The following DCLK3 variants were observed in gnomAD, a reference collection of about 807,000 sequenced individuals.
DCLK3 encodes the protein serine/threonine-protein kinase DCLK3.
DCLK3 carries 30 observed loss-of-function variants against 46.4 expected under a neutral mutation model. The ratio of observed to expected loss-of-function variants is 0.65; its 90% CI spans 0.48 to 0.88. The LOEUF is 0.88. DCLK3 is among the 40% of genes least tolerant of loss of function. DCLK3 has a pLI of 0.00. For missense variants in DCLK3, 846 were observed against 907.1 expected, an observed-to-expected ratio of 0.93 and a Z score of 0.87; for synonymous variants, 401 against 339.2, an observed-to-expected ratio of 1.18 and a Z score of -2.00.
At chr3:36,724,504 C>T (rs750501312) in intron 2 of DCLK3, among the ~76,000 whole-genome samples, 3 of 152,104 alleles carry the variant, frequency 2.0e-5, no homozygotes, top group South Asian at 2.1e-4. Flanking sequence ...CCCACAATTC[C>T]CACATGTTGT....
In DCLK3 at chr3:36,757,251, G is replaced by A. The variant is rs1458686492; in HGVS notation, c.82+6931C>T. ...GCCCTCCACTTCCCCAAAGTGCAGT[G>A]TTTCCATTTTACTTCTTATGTAATT... On this transcript the variant is annotated intron_variant, in intron 1 of 4. Transcript: ENST00000636136. Among the ~76,000 whole-genome samples, 5 of 152,172 alleles carry A rather than the reference G, an allele frequency of 3.3e-5. No homozygotes were observed. In the East Asian group the frequency reaches 9.7e-4, roughly 29 times the overall value.
intron 1 of DCLK3, among the ~76,000 whole-genome samples, chr3:36,762,268 A>T (rs913157618): frequency 6.6e-6 from 1 of 152,230 alleles, no homozygotes. Flanking sequence ...GATGTTAGTC[A>T]TGTTTGGATA....
At chr3:36,722,596 G>A (rs746817999) in intron 2 of DCLK3, among the ~76,000 whole-genome samples, 35 of 152,274 alleles carry the variant, frequency 2.3e-4, no homozygotes, top group African/African-American at 4.1e-4. Context: ...AGGGGAACCC[G>A]GTGGGCAGTA....
At chr3:36,746,261 T>C (rs1002852757) in intron 1 of DCLK3, among the ~76,000 whole-genome samples, 2 of 152,210 alleles carry the variant, frequency 1.3e-5, no homozygotes, top group East Asian at 1.9e-4. Context: ...CTGAGAGATA[T>C]TGGCCAGGCC....
intron 1 of DCLK3, among the ~76,000 whole-genome samples, chr3:36,761,117 C>T (rs1162161581): frequency 4.6e-5 from 7 of 152,226 alleles, no homozygotes; most frequent in Non-Finnish European, 1.0e-4. Flanking sequence ...TCCCTTCATG[C>T]AGCCACTGAT....
intron 2 of DCLK3, among the ~76,000 whole-genome samples, chr3:36,729,247 GT>G (rs148493779): frequency 0.5 from 49,000 of 97,948 alleles, 11,556 homozygotes; most frequent in Admixed American, 0.6. Context: ...GTGTGTGTGT[GT>G]GGGGGGGGGG....
Position 36,738,693 on chromosome 3 carries a change from A to G in DCLK3, c.474T>C (p.Ser158=), listed in dbSNP as rs1701305707. The part of the protein sequence containing the change: ...NLKGREIRSV[S]DFFREGDAFI... ...AAGCATCCCCTTCCCTGAAGAAATCAGAGACGCTCCTGATTTCCCTGCCCT... is the reference window on the plus strand; with the variant it reads ...AAGCATCCCCTTCCCTGAAGAAATCGGAGACGCTCCTGATTTCCCTGCCCT... Residue 158 remains serine (S), a synonymous_variant, in exon 2 of 5, where the codon TCT becomes TCC. Transcript: ENST00000636136. The G allele has an allele frequency of 7.5e-7, 1 of 1,324,832 alleles. No individual in the cohort carries two copies. The highest frequency in any genetic ancestry group is 9.7e-7 in the Non-Finnish European group (1 of 1,029,858). The allele number at this position is 1,324,832 out of a possible 1,614,324, so 82.1% of individuals were successfully genotyped here. A position where few individuals can be genotyped will look rare whatever the true frequency, so the allele number is the denominator to read the frequency against.
Position 36,738,003 on chromosome 3 carries a change from C to G in DCLK3, c.1164G>C (p.Lys388Asn). The G allele has an allele frequency of 6.2e-7, 1 of 1,614,190 alleles. No individual in the cohort carries two copies. Among genetic ancestry groups the G allele is most frequent in the Non-Finnish European group, 8.5e-7 (1 of 1,180,030 alleles). ...NPTQELRRPS[K>N]SMDKKEDRGP... Reference sequence around the variant, plus strand: ...CTCTGTCCTCTTTCTTGTCCATGCTCTTGCTGGGTCTCCTCAGCTCTTGAG... The same window carrying G: ...CTCTGTCCTCTTTCTTGTCCATGCTGTTGCTGGGTCTCCTCAGCTCTTGAG... Residue 388 changes from lysine to asparagine, a missense_variant, in exon 2 of 5, where the codon AAG becomes AAC. Transcript: ENST00000636136.
intron 1 of DCLK3, among the ~76,000 whole-genome samples, chr3:36,763,529 C>T (rs1701557207): frequency 6.6e-6 from 1 of 152,194 alleles, no homozygotes; most frequent in Non-Finnish European, 1.5e-5. Context: ...AATGCTCTGC[C>T]TGTATCCTTT....
intron 1 of DCLK3, among the ~76,000 whole-genome samples, chr3:36,752,678 A>C (rs1287958502): frequency 1.3e-5 from 2 of 152,166 alleles, no homozygotes; most frequent in Non-Finnish European, 2.9e-5. Context: ...TTACTCCAAG[A>C]GGCCTTACCT....
chr3:36,743,784 T>C (rs1234463786), intron 1 of DCLK3, among the ~76,000 whole-genome samples: 1 of 151,828 alleles, frequency 6.6e-6, no homozygotes, highest in East Asian at 1.9e-4. Context: ...CCTCCTTGAG[T>C]TCCAAACCCA....
At position 36,737,526 on chromosome 3, in the gene DCLK3, G is replaced by C; in HGVS notation, c.1641C>G (p.Thr547=). The part of the protein sequence containing the change: ...AVVKECRHRE[T]RQAYAMKIID... ...TGATCTTCATCGCATAGGCCTGCCT[G>C]GTCTCGCGGTGTCTGCACTCCTTCA... is the stretch of plus-strand genomic sequence containing the variant. Residue 547 remains threonine, a synonymous_variant, in exon 2 of 5, where the codon ACC becomes ACG. Transcript: ENST00000636136. This position sits in a 1 kb window ranked among gnomAD's most constrained non-coding sequence, Gnocchi z 4.4. The C allele has an allele frequency of 6.2e-7, 1 of 1,614,126 alleles. No homozygotes were observed. The highest frequency in any genetic ancestry group is 8.5e-7 in the Non-Finnish European group (1 of 1,180,012).
In DCLK3 at chr3:36,715,470, T is replaced by C; in HGVS notation, c.2312A>G (p.Tyr771Cys). 1 of 1,591,146 alleles carries C rather than the reference T, an allele frequency of 6.3e-7. No homozygotes were observed. Reference sequence around the variant, plus strand: ...GTGCTGAAGAACCTGATGAGCTGTGTAGCGCTTTTTGGGGTCTACCACCAG... The same window carrying C: ...GTGCTGAAGAACCTGATGAGCTGTGCAGCGCTTTTTGGGGTCTACCACCAG... ...RLLVVDPKKR[Y>C]TAHQVLQHPW... Residue 771 changes from tyrosine to cysteine, a missense_variant, in exon 5 of 5, where the codon TAC (tyrosine) becomes TGC (cysteine). Tyr to Cys is a radical substitution (Grantham distance 194). Around this residue, in one of 3 missense-constraint regions of DCLK3, gnomAD observed 247 missense variants for 322.8 expected, o/e 0.77. Transcript: ENST00000636136.
chr3:36,739,039 C>A lies in DCLK3; in HGVS notation c.128G>T (p.Arg43Ile). The A allele has an allele frequency of 2.5e-6, 1 of 398,814 alleles. No homozygotes were observed. Among genetic ancestry groups the A allele is most frequent in the South Asian group, 1.3e-4 (1 of 7,832 alleles). 24.7% of individuals were successfully genotyped at this position (398,814 alleles called of 1,614,324 possible). A position where few individuals can be genotyped will look rare whatever the true frequency, so the allele number is the denominator to read the frequency against. The change falls in exon 2 of 5, where the codon AGA becomes ATA. Residue 43 changes from arginine (R) to isoleucine (I), a missense_variant. Arg to Ile is a moderately conservative substitution (Grantham distance 97, BLOSUM62 -3). Coordinates refer to ENST00000636136, the MANE Select transcript of DCLK3 (RefSeq NM_001394672.2). Reference protein sequence around the residue: ...CDHSLKYLSSRITERKLQGSW... With the variant: ...CDHSLKYLSSIITERKLQGSW... ...GCCTTGCAGCTTCCGCTCTGTGATT[C>A]TCGAGCTTAAATATTTTAGAGAATG...
intron 2 of DCLK3, among the ~76,000 whole-genome samples, chr3:36,722,399 G>A (rs749379382): frequency 1.3e-5 from 2 of 152,168 alleles, no homozygotes; most frequent in Non-Finnish European, 2.9e-5. Context: ...ATCACACAAG[G>A]ATAAATGCTT....
At chr3:36,750,863 T>A (rs1281318768) in intron 1 of DCLK3, among the ~76,000 whole-genome samples, 3 of 152,048 alleles carry the variant, frequency 2.0e-5, no homozygotes, top group South Asian at 2.1e-4. Flanking sequence ...GTTAAACTCA[T>A]GGAGTCATCC....
In DCLK3 at chr3:36,738,231, C is replaced by T. The variant is rs201741700; in HGVS notation, c.936G>A (p.Lys312=). The stretch of plus-strand genomic sequence containing the variant: ...GGCTCTGCTGGAGCTCCCTCTCTCT[C>T]TTGCACTTCTCGCATCTGATAATTT... ...SGEIIRCEKC[K]RERELQQSLE... Residue 312 remains lysine (K), a synonymous_variant, in exon 2 of 5, where the codon AAG becomes AAA. Coordinates refer to ENST00000636136, the MANE Select transcript of DCLK3 (RefSeq NM_001394672.2). The T allele has an allele frequency of 8.5e-5, 136 of 1,595,264 alleles. No individual in the cohort carries two copies. The African/African-American group carries it at 1.5e-3, about 18-fold the overall frequency.
chr3:36,736,547 G>A (rs1182561375), intron 2 of DCLK3, among the ~76,000 whole-genome samples: 2 of 152,188 alleles, frequency 1.3e-5, no homozygotes, highest in Non-Finnish European at 2.9e-5. Flanking sequence ...CCAGCTCCCA[G>A]CTGTCAAGGG....
At chr3:36,750,398 A>C (rs1701429828) in intron 1 of DCLK3, among the ~76,000 whole-genome samples, 2 of 152,110 alleles carry the variant, frequency 1.3e-5, no homozygotes, top group South Asian at 4.1e-4. Context: ...AGTTCTTTTC[A>C]ATTTATTTCT....
Sources: gnomAD v4.1 joint callset for allele counts (sites outside exome capture counted in the v4.1 genomes callset) on GRCh38, gnomAD v4.1.1 for gene constraint, gnomAD v4.1.1 regional missense constraint, Gnocchi (gnomAD v3.1) non-coding constraint, MANE v1.5 for transcripts, NCBI Gene and HGNC (gene_info 2026-07-23, HGNC 2026-07-21) for gene names.